Variants in TJP2 observed in about 807,000 individuals in gnomAD.
The protein encoded by TJP2 is Friedreich ataxia region gene X104 (tight junction protein ZO-2).
A neutral mutation model predicts 133.1 loss-of-function variants in TJP2; 91 were observed. The observed-to-expected ratio is 0.68, with a 90% CI of 0.58 to 0.81. TJP2 has a LOEUF of 0.81. Among genes scored for constraint, TJP2 ranks in the 40% least tolerant of loss-of-function variants. The pLI, the probability that TJP2 is intolerant of heterozygous loss-of-function variation, is 0.00. For missense variants in TJP2, 1,541 were observed against 1,565.6 expected (o/e 0.98, Z 0.26); for synonymous variants, 592 against 583.4 (o/e 1.01, Z -0.21).
At chr9:69,238,613 A>T (rs1830364643) in intron 15 of TJP2, 97 bp from the exon 16 acceptor site, 2 of 912,292 alleles carry the variant, frequency 2.2e-6, no homozygotes, top group African/African-American at 3.3e-5. Flanking sequence ...GAGACACTTA[A>T]TGTCAGGTGT....
rs183726396 is a variant in TJP2 at position 69,205,972 on chromosome 9, A to T, written c.61-6576A>T. Among the ~76,000 whole-genome samples, 129 of 152,292 alleles carry T rather than the reference A, an allele frequency of 8.5e-4. No individual in the cohort carries two copies. In the Middle Eastern group the frequency reaches 0.014, roughly 16 times the overall value. On this transcript the variant is annotated intron_variant, in intron 1 of 22. Transcript: ENST00000377245. ...CTGGCCAAGATTTTTCAAAGGAAAA[A>T]AGCTTTATAAAAAGATTAAAAAAAA...
chr9:69,211,896 C>G (rs1827941537), intron 1 of TJP2, among the ~76,000 whole-genome samples: 2 of 152,112 alleles, frequency 1.3e-5, no homozygotes, highest in Non-Finnish European at 2.9e-5. Context: ...TCTGAGTGTT[C>G]TTGGCATTTC....
intron 22 of TJP2, 95 bp downstream of exon 22, chr9:69,252,995 C>G: frequency 8.4e-7 from 1 of 1,186,514 alleles, no homozygotes; most frequent in Non-Finnish European, 1.2e-6. Context: ...TTCAGAGTAA[C>G]AGGAGGATTT....
intron 1 of TJP2, among the ~76,000 whole-genome samples, chr9:69,179,384 T>G (rs958072139): frequency 2.6e-5 from 4 of 152,276 alleles, no homozygotes; most frequent in Non-Finnish European, 4.4e-5. Flanking sequence ...AATGAATGTT[T>G]ATTTTACCTT....
upstream of TJP2, among the ~76,000 whole-genome samples, chr9:69,169,989 T>G (rs896658008): frequency 5.3e-5 from 8 of 152,078 alleles, no homozygotes; most frequent in African/African-American, 1.9e-4. Context: ...TACAGGCACA[T>G]GCTACCATGC....
chr9:69,139,257 A>G lies in TJP2; in HGVS notation c.-130-12394A>G, dbSNP rs527238510. Among the ~76,000 whole-genome samples the G allele has an allele frequency of 9.2e-5, 14 of 152,312 alleles. No individual in the cohort carries two copies. The East Asian group carries it at 2.7e-3, about 29-fold the overall frequency. ...CCAAACAAAATGTTTTACTTTAGTC[A>G]GTGTTATGGGTTGAATTATATTTCC... On this transcript the variant is annotated intron_variant, in intron 1 of 5. Transcript: ENST00000423935.
chr9:69,193,368 A>G (rs1564422111), intron 1 of TJP2, among the ~76,000 whole-genome samples: 1 of 151,858 alleles, frequency 6.6e-6, no homozygotes, highest in South Asian at 2.1e-4. Context: ...GTGGCCTTTG[A>G]TGATTTCCTA....
chr9:69,174,542 T>A, intron 1 of TJP2, 110 bp downstream of exon 1: 1 of 1,282,416 alleles, frequency 7.8e-7, no homozygotes, highest in South Asian at 1.3e-5. Context: ...CGATGCGCCG[T>A]AGGAAGCTGG....
chr9:69,186,403 A>G (rs1825864718), intron 1 of TJP2, among the ~76,000 whole-genome samples: 1 of 152,244 alleles, frequency 6.6e-6, no homozygotes, highest in African/African-American at 2.4e-5. Flanking sequence ...AAGTATAACC[A>G]GTGACTATTT....
intron 1 of TJP2, among the ~76,000 whole-genome samples, chr9:69,195,684 C>T (rs1826507874): frequency 6.6e-6 from 1 of 152,160 alleles, no homozygotes. Context: ...TTTCAGGCCC[C>T]CCCTTTTCCA....
upstream of TJP2, among the ~76,000 whole-genome samples, chr9:69,173,702 C>CT (rs1280708181): frequency 1.3e-5 from 2 of 152,184 alleles, no homozygotes; most frequent in African/African-American, 4.8e-5. Flanking sequence ...GGACCTAAAA[C>CT]TTTGAGGTTT....
At chr9:69,243,153 C>T (rs765363602) in intron 17 of TJP2, among the ~76,000 whole-genome samples, 16 of 152,174 alleles carry the variant, frequency 1.1e-4, no homozygotes, top group Non-Finnish European at 1.9e-4. Context: ...CATGAGCCAC[C>T]GTGCCTGGCC....
At chr9:69,140,733 G>A (rs769577457) in intron 1 of TJP2, among the ~76,000 whole-genome samples, 1 of 152,228 alleles carries the variant, frequency 6.6e-6, no homozygotes, top group Non-Finnish European at 1.5e-5. Context: ...TCCCAGGCAA[G>A]GGAACTGCTA....
chr9:69,233,591 G>GGT (rs2133366456), intron 11 of TJP2, among the ~76,000 whole-genome samples: 1 of 152,292 alleles, frequency 6.6e-6, no homozygotes, highest in South Asian at 2.1e-4. Context: ...TGGCCAACAT[G>GGT]GTGAAACCTT....
chr9:69,230,878 A>G (rs931558756), intron 11 of TJP2, among the ~76,000 whole-genome samples: 2 of 152,206 alleles, frequency 1.3e-5, no homozygotes, highest in Non-Finnish European at 2.9e-5. Flanking sequence ...CTGCTACTCA[A>G]TGTTATTTAC....
chr9:69,238,014 T>C, intron 15 of TJP2, 41 bp downstream of exon 15: 2 of 1,467,306 alleles, frequency 1.4e-6, no homozygotes, highest in Non-Finnish European at 1.9e-6. Context: ...AATTTTTATT[T>C]TGAAAAATTT....
At chr9:69,205,823 A>T (rs921055916) in intron 1 of TJP2, among the ~76,000 whole-genome samples, 1 of 152,196 alleles carries the variant, frequency 6.6e-6, no homozygotes, top group Non-Finnish European at 1.5e-5. Context: ...GTCTGTGGAT[A>T]CAGAATCTAA....
chr9:69,166,754 C>T lies in TJP2; in HGVS notation c.-10+14983C>T, dbSNP rs182849705. ...TGCTGGGATTACAGGCGTGAGCCAC[C>T]GTGCCCAGCCTTAAAAATATATTTT... is the stretch of plus-strand genomic sequence containing the variant. On this transcript the variant is annotated intron_variant, in intron 2 of 5. Coordinates refer to the TJP2 transcript ENST00000423935. Among the ~76,000 whole-genome samples the T allele has an allele frequency of 2.3e-3, 344 of 151,922 alleles. 2 individuals carry two copies. Among genetic ancestry groups the T allele is most frequent in the African/African-American group, 7.8e-3 (325 of 41,462 alleles).
rs746343689 is a variant in TJP2 at position 69,221,038 on chromosome 9, G to C, written c.494G>C (p.Gly165Ala). The change falls in exon 5 of 23, where the codon GGG becomes GCG. Residue 165 changes from glycine (G) to alanine (A), a missense_variant. Gly to Ala is a moderately conservative substitution (Grantham distance 60, BLOSUM62 0). Coordinates refer to ENST00000377245, the MANE Select transcript of TJP2 (RefSeq NM_004817.4). ...YSERSRLNSHGGRSRSWEDSP... is the reference protein window; with the variant it reads ...YSERSRLNSHAGRSRSWEDSP... ...GAGAGGAGCCGGCTGAACAGCCATG[G>C]GGGGCGCAGCCGCAGCTGGGAGGAC... The C allele has an allele frequency of 3.5e-5, 57 of 1,607,852 alleles. No homozygotes were observed. Among genetic ancestry groups the C allele is most frequent in the South Asian group, 1.4e-4 (13 of 90,256 alleles).
Sources: allele counts gnomAD v4.1 joint callset (sites outside exome capture counted in the v4.1 genomes callset), GRCh38; gene constraint gnomAD v4.1.1; transcripts MANE v1.5; gene names NCBI Gene and HGNC (gene_info 2026-07-23, HGNC 2026-07-21).